The following DLGAP2 variants were observed in gnomAD, a reference collection of about 807,000 sequenced individuals.
DLGAP2 encodes the protein disks large-associated protein 2.
DLGAP2 carries 26 observed loss-of-function variants against 100.3 expected under a neutral mutation model. That is an observed-to-expected ratio of 0.26 (90% CI 0.19 to 0.36). The LOEUF (loss-of-function observed/expected upper bound fraction) is 0.36, where lower values mean the gene tolerates loss of function less well. Ranked by LOEUF, DLGAP2 falls within the 10% of genes least tolerant of loss-of-function variation. The pLI is 1.00. For missense variants in DLGAP2, 1,858 were observed against 1,453.2 expected (o/e 1.28, Z -4.53); for synonymous variants, 886 against 630.1 (o/e 1.41, Z -6.08).
At chr8:1,049,255 A>G (rs945255676) in intron 2 of DLGAP2, among the ~76,000 whole-genome samples, 3 of 152,186 alleles carry the variant, frequency 2.0e-5, no homozygotes, top group African/African-American at 7.2e-5. Flanking sequence ...AACGGGGGAA[A>G]TGTATAATAA....
At chr8:1,129,357 T>C (rs1052579962) in intron 2 of DLGAP2, among the ~76,000 whole-genome samples, 2 of 149,912 alleles carry the variant, frequency 1.3e-5, no homozygotes, top group African/African-American at 2.5e-5. Context: ...CAGCTGAGAT[T>C]GCGCCACTGC....
intron 13 of DLGAP2, among the ~76,000 whole-genome samples, chr8:1,693,337 T>C (rs909640540): frequency 6.7e-6 from 1 of 150,280 alleles, no homozygotes; most frequent in Non-Finnish European, 1.5e-5. Context: ...TAAGTTTACA[T>C]ATACATGTTA....
chr8:1,288,473 G>C (rs1799988568), intron 3 of DLGAP2, among the ~76,000 whole-genome samples: 1 of 126,766 alleles, frequency 7.9e-6, no homozygotes, highest in African/African-American at 3.1e-5. Flanking sequence ...AGGGGAACTT[G>C]TTTCAGTTCA....
rs1410976199 is a variant in DLGAP2, at chr8:1,531,304, A to G, written c.173-17322A>G. On this transcript the variant is annotated intron_variant, in intron 4 of 14. Coordinates refer to ENST00000637795, the MANE Select transcript of DLGAP2 (RefSeq NM_001346810.2). ...TTCTTAACCTGGGACAAATTTCATA[A>G]GAGATAATAATGAGATAAGGAAAAG... Among the ~76,000 whole-genome samples, 15 of 151,844 alleles carry G rather than the reference A, an allele frequency of 9.9e-5. No homozygotes were observed. The East Asian group carries it at 2.9e-3, about 29-fold the overall frequency.
chr8:1,101,199 G>A (rs1804567271), intron 2 of DLGAP2, among the ~76,000 whole-genome samples: 1 of 152,174 alleles, frequency 6.6e-6, no homozygotes, highest in Non-Finnish European at 1.5e-5. Context: ...TGCAGCCTGG[G>A]GGATCTGGAA....
At chr8:1,519,127 C>G (rs1287834985) in intron 4 of DLGAP2, among the ~76,000 whole-genome samples, 1 of 152,132 alleles carries the variant, frequency 6.6e-6, no homozygotes, top group Non-Finnish European at 1.5e-5. Context: ...ATGTGATGTG[C>G]TAAGGTGTCA....
At chr8:1,263,531 G>C (rs536710160) in intron 3 of DLGAP2, among the ~76,000 whole-genome samples, 2 of 152,128 alleles carry the variant, frequency 1.3e-5, no homozygotes, top group African/African-American at 4.8e-5. Flanking sequence ...GAAAGTTTTC[G>C]TGCAGTTAGT....
chr8:802,949 G>C (rs1028103850), intron 1 of DLGAP2, among the ~76,000 whole-genome samples: 6 of 152,266 alleles, frequency 3.9e-5, no homozygotes, highest in African/African-American at 1.4e-4. Context: ...AAGGTGGGTG[G>C]GGTCAAAAGA....
At chr8:1,356,569 C>T (rs1183152281) in intron 3 of DLGAP2, among the ~76,000 whole-genome samples, 3 of 152,156 alleles carry the variant, frequency 2.0e-5, no homozygotes, top group East Asian at 1.9e-4. Flanking sequence ...GAGAGTTACC[C>T]TGTGGCCCCC....
At chr8:1,063,382 G>C (rs1035149741) in intron 2 of DLGAP2, among the ~76,000 whole-genome samples, 1 of 152,284 alleles carries the variant, frequency 6.6e-6, no homozygotes, top group East Asian at 1.9e-4. Context: ...CCGAGGTCTC[G>C]GGGTTGTACC....
intron 2 of DLGAP2, among the ~76,000 whole-genome samples, chr8:1,150,136 C>T (rs1341621319): frequency 1.3e-5 from 2 of 152,132 alleles, no homozygotes; most frequent in East Asian, 3.8e-4. Context: ...GAAGAGCTCC[C>T]CTAATTTTTG....
intron 1 of DLGAP2, among the ~76,000 whole-genome samples, chr8:866,998 C>T (rs563751985): frequency 5.6e-4 from 86 of 152,262 alleles, no homozygotes; most frequent in African/African-American, 1.9e-3. Context: ...CTCTCCAAAT[C>T]GAGGGCCTCT....
At chr8:1,065,216 G>T (rs1314912136) in intron 2 of DLGAP2, among the ~76,000 whole-genome samples, 1 of 152,174 alleles carries the variant, frequency 6.6e-6, no homozygotes, top group Non-Finnish European at 1.5e-5. Context: ...CTCTGACTCA[G>T]TAAGGTCTTT....
chr8:1,279,413 G>A (rs545284738), intron 3 of DLGAP2, among the ~76,000 whole-genome samples: 1 of 152,334 alleles, frequency 6.6e-6, no homozygotes, highest in Non-Finnish European at 1.5e-5. Context: ...TTACCAAGAA[G>A]TATGAAAGTT....
chr8:866,644 C>T (rs996420598), intron 1 of DLGAP2, among the ~76,000 whole-genome samples: 1 of 152,208 alleles, frequency 6.6e-6, no homozygotes, highest in Non-Finnish European at 1.5e-5. Flanking sequence ...GAAGCGCTTG[C>T]TGCCACCTGT....
intron 2 of DLGAP2, among the ~76,000 whole-genome samples, chr8:1,100,327 G>A (rs377635727): frequency 3.5e-4 from 53 of 151,738 alleles, no homozygotes; most frequent in Admixed American, 1.3e-4. Flanking sequence ...TGTCCAGCAT[G>A]TCCACAGTGT....
chr8:897,521 C>T (rs116539462), intron 1 of DLGAP2, among the ~76,000 whole-genome samples: 1 of 152,188 alleles, frequency 6.6e-6, no homozygotes, highest in African/African-American at 2.4e-5. Context: ...TTACATGAGT[C>T]TGTTTTAATC....
rs371355604 is a variant in DLGAP2, at chr8:1,350,863, T to C, written c.106+91980T>C. On this transcript the variant is annotated intron_variant, in intron 3 of 14. Coordinates refer to ENST00000637795, the MANE Select transcript of DLGAP2 (RefSeq NM_001346810.2). ...AAAGGCCGTGCGGGTCCTGACAGTGTGTGGAAAGGCCGCGCGGGTCCTGAC... is the reference window on the plus strand; with the variant it reads ...AAAGGCCGTGCGGGTCCTGACAGTGCGTGGAAAGGCCGCGCGGGTCCTGAC... Among the ~76,000 whole-genome samples, 22 of 45,892 alleles carry C rather than the reference T, an allele frequency of 4.8e-4. 2 individuals carry two copies. The highest frequency in any genetic ancestry group is 8.9e-4 in the African/African-American group (13 of 14,594). The allele number at this position is 45,892 out of a possible 152,430, so 30.1% of individuals were successfully genotyped here. A position where few individuals can be genotyped will look rare whatever the true frequency, so the allele number is the denominator to read the frequency against.
intron 2 of DLGAP2, among the ~76,000 whole-genome samples, chr8:1,097,726 A>T (rs1292122427): frequency 3.7e-5 from 5 of 135,676 alleles, no homozygotes; most frequent in Non-Finnish European, 7.8e-5. Flanking sequence ...CCCTCTGCTC[A>T]GGAGAGTCGA....
Sources: gnomAD v4.1 joint callset for allele counts (sites outside exome capture counted in the v4.1 genomes callset) on GRCh38, gnomAD v4.1.1 for gene constraint, MANE v1.5 for transcripts, NCBI Gene and HGNC (gene_info 2026-07-23, HGNC 2026-07-21) for gene names.